Variants in EPHA5 observed in about 807,000 individuals in gnomAD.
EPHA5 encodes EPH receptor A5.
In EPHA5, 60 loss-of-function variants were observed where a neutral mutation model predicts 105.0. The ratio of observed to expected loss-of-function variants is 0.57; its 90% confidence interval spans 0.46 to 0.71. The LOEUF (loss-of-function observed/expected upper bound fraction) is 0.71, where lower values mean the gene tolerates loss of function less well. EPHA5 is among the 30% of genes least tolerant of loss of function. EPHA5 has a pLI of 0.00. For synonymous variants in EPHA5, 513 were observed against 449.1 expected, an observed-to-expected ratio of 1.14 and a Z score of -1.80; for missense variants, 1,218 against 1,274.7, an observed-to-expected ratio of 0.96 and a Z score of 0.68.
chr4:65,461,516 A>T (rs1728119568), intron 5 of EPHA5, among the ~76,000 whole-genome samples: 1 of 152,054 alleles, frequency 6.6e-6, no homozygotes, highest in African/African-American at 2.4e-5. Context: ...CCTCAGCATT[A>T]TCTTTTGCTA....
intron 5 of EPHA5, among the ~76,000 whole-genome samples, chr4:65,469,642 A>C (rs1226916515): frequency 6.6e-6 from 1 of 152,172 alleles, no homozygotes; most frequent in Non-Finnish European, 1.5e-5. Flanking sequence ...ATTCAGGAGA[A>C]AAACACAGAT....
intron 4 of EPHA5, among the ~76,000 whole-genome samples, chr4:65,494,995 GGAAGGAA>G (rs1336892255): frequency 3.5e-5 from 1 of 28,230 alleles, no homozygotes. Flanking sequence ...AGGAAGAAGA[GGAAGGAA>G]GAAGAAAGAA....
intron 5 of EPHA5, among the ~76,000 whole-genome samples, chr4:65,446,462 T>C (rs1047259097): frequency 1.3e-5 from 2 of 152,210 alleles, no homozygotes; most frequent in Non-Finnish European, 2.9e-5. Context: ...ATTATTCTTG[T>C]AGAACTTAGC....
chr4:65,639,444 A>G (rs181799027), intron 2 of EPHA5, among the ~76,000 whole-genome samples: 1 of 152,232 alleles, frequency 6.6e-6, no homozygotes, highest in East Asian at 1.9e-4. Flanking sequence ...ATTTCTAGTG[A>G]GAAATTAGCT....
At chr4:65,664,866 A>C (rs923074217) in intron 1 of EPHA5, among the ~76,000 whole-genome samples, 1 of 151,974 alleles carries the variant, frequency 6.6e-6, no homozygotes, top group African/African-American at 2.4e-5. Context: ...CTGATTAATA[A>C]GCAAGACATG....
chr4:65,443,671 A>G (rs1436760543), intron 5 of EPHA5, among the ~76,000 whole-genome samples: 1 of 152,124 alleles, frequency 6.6e-6, no homozygotes, highest in Admixed American at 6.6e-5. Context: ...AACAATTACT[A>G]GAGCAGTAAT....
chr4:65,516,690 C>T (rs1734137869), intron 3 of EPHA5, among the ~76,000 whole-genome samples: 2 of 152,060 alleles, frequency 1.3e-5, no homozygotes, highest in South Asian at 4.1e-4. Context: ...CATATATATT[C>T]TATAAGACGC....
chr4:65,614,920 A>G (rs1238614137), intron 2 of EPHA5, among the ~76,000 whole-genome samples: 1 of 151,902 alleles, frequency 6.6e-6, no homozygotes, highest in African/African-American at 2.4e-5. Flanking sequence ...AATAGAAATA[A>G]ATAAATGTGT....
At chr4:65,648,236 A>G (rs1419109522) in intron 1 of EPHA5, among the ~76,000 whole-genome samples, 2 of 152,230 alleles carry the variant, frequency 1.3e-5, no homozygotes, top group African/African-American at 4.8e-5. Flanking sequence ...TAATACAAAT[A>G]TGTTCTTCAA....
chr4:65,391,606 A>G (rs1720722035), intron 8 of EPHA5, among the ~76,000 whole-genome samples: 1 of 152,098 alleles, frequency 6.6e-6, no homozygotes, highest in Non-Finnish European at 1.5e-5. Context: ...GGAGCTGGGT[A>G]TCAGGTTCCT....
At chr4:65,533,898 A>G (rs764137014) in intron 3 of EPHA5, among the ~76,000 whole-genome samples, 17 of 151,960 alleles carry the variant, frequency 1.1e-4, no homozygotes, top group Admixed American at 6.6e-4. Flanking sequence ...CCCTCATTGC[A>G]CTCCAGCCTG....
chr4:65,329,321 A>C (rs12643661), intron 16 of EPHA5, among the ~76,000 whole-genome samples: 27,810 of 151,260 alleles, frequency 0.18, 2,863 homozygotes, highest in South Asian at 0.24. Context: ...TTTGACTCTC[A>C]GACCTCTAAG....
At chr4:65,622,288 G>T (rs770890286) in intron 2 of EPHA5, among the ~76,000 whole-genome samples, 1 of 151,940 alleles carries the variant, frequency 6.6e-6, no homozygotes, top group Non-Finnish European at 1.5e-5. Context: ...GATAAACTGA[G>T]TTAGAAATAA....
chr4:65,554,294 T>C (rs1738196181), intron 3 of EPHA5, among the ~76,000 whole-genome samples: 2 of 149,822 alleles, frequency 1.3e-5, no homozygotes, highest in African/African-American at 4.9e-5. Flanking sequence ...TTTTCCATTT[T>C]ATGTTGTTTT....
intron 8 of EPHA5, among the ~76,000 whole-genome samples, chr4:65,375,085 T>C (rs757459863): frequency 6.6e-6 from 1 of 151,976 alleles, no homozygotes; most frequent in Non-Finnish European, 1.5e-5. Context: ...GCATTTTTAG[T>C]CCTGATTCCT....
intron 5 of EPHA5, among the ~76,000 whole-genome samples, chr4:65,453,913 C>T (rs1023077486): frequency 6.6e-5 from 10 of 152,096 alleles, no homozygotes; most frequent in Non-Finnish European, 1.3e-4. Context: ...TATGCTGCCT[C>T]GGTTGAATTC....
In EPHA5 at chr4:65,495,546, G is replaced by C. The variant is rs931042183; in HGVS notation, c.911-3C>G. 1 of 1,604,622 alleles carries C rather than the reference G, an allele frequency of 6.2e-7. No homozygotes were observed. The highest frequency in any genetic ancestry group is 8.5e-7 in the Non-Finnish European group (1 of 1,176,638). On this transcript the variant is annotated splice_polypyrimidine_tract_variant and splice_region_variant and intron_variant, in intron 3 of 16. Coordinates refer to ENST00000613740, the MANE Select transcript of EPHA5 (RefSeq NM_001281766.3). Reference sequence around the variant, plus strand: ...TTTGAAGAACCCAGGTCTGCACACTGTCAAAAGAAATAAGAGACTAAGCTT... The same window carrying C: ...TTTGAAGAACCCAGGTCTGCACACTCTCAAAAGAAATAAGAGACTAAGCTT...
At chr4:65,512,259 T>C (rs11939008) in intron 3 of EPHA5, among the ~76,000 whole-genome samples, 12,196 of 152,132 alleles carry the variant, frequency 0.08, 1,089 homozygotes, top group African/African-American at 0.22. Flanking sequence ...AAATATTTAA[T>C]ATGGCACTAA....
At chr4:65,443,940 T>TGCAC (rs1237989676) in intron 5 of EPHA5, among the ~76,000 whole-genome samples, 1 of 149,572 alleles carries the variant, frequency 6.7e-6, no homozygotes, top group East Asian at 2.0e-4. Context: ...CGTGCACGTG[T>TGCAC]GCACGCGCAC....
Sources: allele counts gnomAD v4.1 joint callset (sites outside exome capture counted in the v4.1 genomes callset), GRCh38; gene constraint gnomAD v4.1.1; transcripts MANE v1.5; gene names NCBI Gene and HGNC (gene_info 2026-07-23, HGNC 2026-07-21).